Variants in RLF observed in about 807,000 individuals in gnomAD.
The protein encoded by RLF is zinc finger protein Rlf.
A neutral mutation model predicts 162.9 loss-of-function variants in RLF; 7 were observed. The ratio of observed to expected loss-of-function variants is 0.04; its 90% confidence interval spans 0.02 to 0.08. The LOEUF is 0.08. Ranked by LOEUF, RLF falls within the 10% of genes least tolerant of loss-of-function variation. The pLI is 1.00. For synonymous variants in RLF, 782 were observed against 791.5 expected, an observed-to-expected ratio of 0.99 and a Z score of 0.20; for missense variants, 1,664 against 2,244.7, an observed-to-expected ratio of 0.74 and a Z score of 5.23.
intron 1 of RLF, among the ~76,000 whole-genome samples, chr1:40,165,787 C>T (rs182407716): frequency 2.6e-5 from 4 of 152,086 alleles, no homozygotes; most frequent in Non-Finnish European, 4.4e-5. Flanking sequence ...TTCCTCCCCC[C>T]CCTCCGCCAA....
intron 3 of RLF, among the ~76,000 whole-genome samples, chr1:40,195,332 C>G (rs971111394): frequency 6.6e-6 from 1 of 151,684 alleles, no homozygotes; most frequent in African/African-American, 2.4e-5. Flanking sequence ...GCCTGTAATT[C>G]CAGCTACTCA....
At position 40,236,389 on chromosome 1, in the gene RLF, G is replaced by T; in HGVS notation, c.1687G>T (p.Glu563Ter). The change falls in exon 8 of 8, where the codon GAA (glutamate) becomes TAA (stop). Residue 563 changes from glutamate (E) to a stop codon, truncating the protein, a stop_gained. Transcript: ENST00000372771. LOFTEE classifies it high-confidence loss of function. The surrounding 1 kb of genome is among the most constrained non-coding windows in gnomAD (Gnocchi z 7.7). ...YKFFCLLCKR[E>*]CIEARILHHS... ...GTTTTTCTGTTTGTTATGTAAGCGG[G>T]AATGTATAGAGGCTAGAATTCTTCA... 6.2e-7 allele frequency: 1 copy of T among 1,614,058 alleles called. No homozygotes were observed. The highest frequency in any genetic ancestry group is 1.1e-5 in the South Asian group (1 of 91,072).
chr1:40,165,390 TCAAGATC>T (rs1221291485), intron 1 of RLF, among the ~76,000 whole-genome samples: 1 of 152,242 alleles, frequency 6.6e-6, no homozygotes, highest in Non-Finnish European at 1.5e-5. Flanking sequence ...ATTTGACTTC[TCAAGATC>T]CAATAAACGT....
At chr1:40,188,954 C>T (rs527744758) in intron 1 of RLF, 101 bp from the exon 2 acceptor site, 6 of 697,512 alleles carry the variant, frequency 8.6e-6, no homozygotes, top group Middle Eastern at 4.1e-4. Flanking sequence ...GTATATGCAT[C>T]TGTTAGAAAA....
At chr1:40,204,318 G>T (rs1340623431) in intron 5 of RLF, among the ~76,000 whole-genome samples, 1 of 151,326 alleles carries the variant, frequency 6.6e-6, no homozygotes, top group Non-Finnish European at 1.5e-5. Flanking sequence ...CCCGGCCACT[G>T]GTCTCTCTCT....
At chr1:40,185,841 A>AAAG (rs1642471304) in intron 1 of RLF, among the ~76,000 whole-genome samples, 1 of 94,752 alleles carries the variant, frequency 1.1e-5, no homozygotes, top group Non-Finnish European at 2.0e-5. Flanking sequence ...AAAAAAAAAA[A>AAAG]GCAAAAAAAA....
intron 1 of RLF, among the ~76,000 whole-genome samples, chr1:40,166,785 A>G (rs867113941): frequency 6.9e-6 from 1 of 144,892 alleles, no homozygotes; most frequent in South Asian, 2.2e-4. Context: ...GTTCTCACTC[A>G]TAGGTGGGAA....
In RLF at chr1:40,240,254, C is replaced by A. The variant is rs533529788; in HGVS notation, c.5552C>A (p.Thr1851Lys). The A allele has an allele frequency of 2.7e-5, 43 of 1,614,118 alleles. No homozygotes were observed. The South Asian group carries it at 4.6e-4, about 17-fold the overall frequency. The change falls in exon 8 of 8, where the codon ACA (threonine) becomes AAA (lysine). Residue 1851 changes from threonine (T) to lysine (K), a missense_variant. Around this residue, in one of 15 missense-constraint regions of RLF, gnomAD observed 327 missense variants for 342.7 expected, o/e 0.95. Transcript: ENST00000372771. ...ATCCCACCTTTAATAGTAGCTGAAA[C>A]AACAACAGTTCCTTCCTTGGAAAAC... ...TAIPPLIVAE[T>K]TTVPSLENLR...
Position 40,238,673 on chromosome 1 carries a change from T to G in RLF, c.3971T>G (p.Leu1324Arg). ...HKTCNSSFTNLKGLIRHYRTV... is the reference protein window; with the variant it reads ...HKTCNSSFTNRKGLIRHYRTV... ...ACTTGCAACTCCTCATTCACCAATC[T>G]AAAAGGCTTAATTCGCCATTACAGA... The change falls in exon 8 of 8, where the codon CTA (leucine) becomes CGA (arginine). Residue 1324 changes from leucine to arginine, a missense_variant. Transcript: ENST00000372771. The surrounding 1 kb of genome is among the most constrained non-coding windows in gnomAD (Gnocchi z 5.2). The G allele has an allele frequency of 6.2e-7, 1 of 1,613,576 alleles. No individual in the cohort carries two copies. The highest frequency in any genetic ancestry group is 2.2e-5 in the East Asian group (1 of 44,868).
At chr1:40,187,447 A>T (rs1642497567) in intron 1 of RLF, among the ~76,000 whole-genome samples, 1 of 152,088 alleles carries the variant, frequency 6.6e-6, no homozygotes, top group Non-Finnish European at 1.5e-5. Context: ...AATGTTACTC[A>T]GTTTTTTTAT....
chr1:40,174,953 G>A (rs1392668426), intron 1 of RLF, among the ~76,000 whole-genome samples: 2 of 151,962 alleles, frequency 1.3e-5, no homozygotes, highest in African/African-American at 4.8e-5. Flanking sequence ...TAATCCCAGT[G>A]CTTTGGGAGA....
In RLF at chr1:40,238,865, A is replaced by T. The variant is rs1643252006; in HGVS notation, c.4163A>T (p.Asn1388Ile). The T allele has an allele frequency of 6.2e-7, 1 of 1,614,086 alleles. No individual in the cohort carries two copies. Among genetic ancestry groups the T allele is most frequent in the Non-Finnish European group, 8.5e-7 (1 of 1,180,022 alleles). The change falls in exon 8 of 8, where the codon AAC becomes ATC. Residue 1388 changes from asparagine (N) to isoleucine (I), a missense_variant. Physicochemically the swap from Asn to Ile is moderately radical, Grantham distance 149. This residue lies in a region of RLF where 200 missense variants were observed against 207.3 expected (regional missense o/e 0.96). Transcript: ENST00000372771. The surrounding 1 kb of genome is among the most constrained non-coding windows in gnomAD (Gnocchi z 5.2). ...GCTAAGCACTGTAGTGATTCTCATA[A>T]CCTAGACCATATTGAAGAGCCTAAA... ...ALAKHCSDSH[N>I]LDHIEEPKVL...
At chr1:40,221,917 A>AAAAAAAAAAAAAAAAAAAAG (rs1486982312) in intron 5 of RLF, among the ~76,000 whole-genome samples, 14 of 150,370 alleles carry the variant, frequency 9.3e-5, no homozygotes, top group South Asian at 8.4e-4. Flanking sequence ...AAAAAAAAAA[A>AAAAAAAAAAAAAAAAAAAAG]AGAGAAAGGA....
chr1:40,165,894 GT>G (rs1414961199), intron 1 of RLF, among the ~76,000 whole-genome samples: 1 of 152,032 alleles, frequency 6.6e-6, no homozygotes, highest in Non-Finnish European at 1.5e-5. Context: ...AAAAAAGTTG[GT>G]TTGATCCCAC....
intron 1 of RLF, among the ~76,000 whole-genome samples, chr1:40,170,806 C>T (rs1487856952): frequency 1.3e-5 from 2 of 152,096 alleles, no homozygotes; most frequent in Non-Finnish European, 2.9e-5. Flanking sequence ...ATATTTCAGA[C>T]GTATCTTGAG....
chr1:40,229,714 A>G (rs1225914790), intron 6 of RLF, among the ~76,000 whole-genome samples: 1 of 151,712 alleles, frequency 6.6e-6, no homozygotes. Context: ...TGGCCTCCCA[A>G]AGTGCTGTGA....
At chr1:40,168,156 A>G (rs923140919) in intron 1 of RLF, among the ~76,000 whole-genome samples, 6 of 152,178 alleles carry the variant, frequency 3.9e-5, no homozygotes, top group Non-Finnish European at 1.5e-5. Context: ...TTGAGGCTGC[A>G]GTAAGCCATA....
At chr1:40,218,091 A>G (rs886235565) in intron 5 of RLF, among the ~76,000 whole-genome samples, 3 of 152,216 alleles carry the variant, frequency 2.0e-5, no homozygotes. Flanking sequence ...ACAGGTTTCA[A>G]GTGATTTCTT....
At chr1:40,190,573 A>C (rs1319435721) in intron 2 of RLF, among the ~76,000 whole-genome samples, 199 bp from the exon 3 acceptor site, 3 of 152,184 alleles carry the variant, frequency 2.0e-5, no homozygotes, top group Non-Finnish European at 4.4e-5. Context: ...CAACAATGTA[A>C]ATATAAAGCC....
Sources: allele counts gnomAD v4.1 joint callset (sites outside exome capture counted in the v4.1 genomes callset), GRCh38; gene constraint gnomAD v4.1.1; regional missense constraint gnomAD v4.1.1; non-coding constraint Gnocchi (gnomAD v3.1); transcripts MANE v1.5; gene names NCBI Gene and HGNC (gene_info 2026-07-23, HGNC 2026-07-21).